The following LGR5 variants were observed in gnomAD, a reference collection of about 807,000 sequenced individuals.
LGR5 encodes the protein leucine-rich repeat-containing G protein-coupled receptor 5.
A neutral mutation model predicts 76.7 loss-of-function variants in LGR5; 54 were observed. The observed-to-expected ratio is 0.70, with a 90% CI of 0.57 to 0.88. LGR5 has a LOEUF of 0.88. LGR5 is among the 40% of genes least tolerant of loss of function. The probability of loss-of-function intolerance (pLI) is 0.00; values close to 1 mark genes in which losing one functional copy is unlikely to be tolerated. For synonymous variants in LGR5, 406 were observed against 421.9 expected (o/e 0.96, Z 0.46); for missense variants, 1,078 against 1,073.3 (o/e 1.00, Z -0.06).
chr12:71,563,011 G>A (rs1878135964), intron 8 of LGR5, among the ~76,000 whole-genome samples: 1 of 152,156 alleles, frequency 6.6e-6, no homozygotes. Flanking sequence ...GAGCGTATTT[G>A]CGTATTAAGA....
intron 1 of LGR5, among the ~76,000 whole-genome samples, chr12:71,461,885 C>T (rs1355571853): frequency 6.6e-6 from 1 of 152,124 alleles, no homozygotes; most frequent in Non-Finnish European, 1.5e-5. Context: ...ATCCCCTTGT[C>T]CCATCTGAAG....
chr12:71,486,022 C>G (rs1013434873), intron 1 of LGR5, among the ~76,000 whole-genome samples: 14 of 152,138 alleles, frequency 9.2e-5, no homozygotes, highest in African/African-American at 3.1e-4. Context: ...CTTTGGCCTC[C>G]CAAAGTGCTG....
At chr12:71,569,375 C>A (rs1214842918) in intron 11 of LGR5, among the ~76,000 whole-genome samples, 2 of 152,180 alleles carry the variant, frequency 1.3e-5, no homozygotes, top group African/African-American at 4.8e-5. Context: ...AACAGACAAC[C>A]TACAGAATAG....
intron 12 of LGR5, among the ~76,000 whole-genome samples, chr12:71,571,817 T>C (rs1878623812): frequency 6.6e-6 from 1 of 152,204 alleles, no homozygotes; most frequent in African/African-American, 2.4e-5. Flanking sequence ...CGCTTTTTTC[T>C]CCCCCTAACT....
intron 1 of LGR5, among the ~76,000 whole-genome samples, chr12:71,470,564 G>A (rs1873054681): frequency 6.6e-6 from 1 of 152,096 alleles, no homozygotes. Flanking sequence ...ATGTAGATGT[G>A]TGTATACACA....
intron 8 of LGR5, among the ~76,000 whole-genome samples, chr12:71,565,460 TATATAC>T (rs1255630480): frequency 6.5e-5 from 3 of 46,406 alleles, no homozygotes; most frequent in African/African-American, 1.6e-4. Context: ...TATATAGACA[TATATAC>T]ATATACATAT....
intron 1 of LGR5, chr12:71,442,047 T>TTGACTGTA (rs1304435722): frequency 7.2e-5 from 11 of 152,230 alleles, no homozygotes; most frequent in African/African-American, 2.7e-4. Context: ...CTGAAGAAGT[T>TTGACTGTA]TGACTGTATG....
At chr12:71,552,802 T>A (rs1326179075) in intron 4 of LGR5, among the ~76,000 whole-genome samples, 1 of 152,124 alleles carries the variant, frequency 6.6e-6, no homozygotes, top group Non-Finnish European at 1.5e-5. Context: ...GGGAGGCCAC[T>A]TCCATCCATG....
chr12:71,580,672 C>T (rs1334534313), intron 16 of LGR5, among the ~76,000 whole-genome samples: 1 of 152,072 alleles, frequency 6.6e-6, no homozygotes, highest in Non-Finnish European at 1.5e-5. Flanking sequence ...GTGGCACATG[C>T]CAGTAATCCC....
chr12:71,552,040 C>G (rs1490594191), intron 4 of LGR5, among the ~76,000 whole-genome samples: 5 of 151,180 alleles, frequency 3.3e-5, no homozygotes, highest in Non-Finnish European at 7.4e-5. Context: ...CCAGTGAGAA[C>G]ACGTGGACAC....
chr12:71,565,951 A>T (rs760866546), intron 8 of LGR5, among the ~76,000 whole-genome samples: 65 of 152,090 alleles, frequency 4.3e-4, no homozygotes, highest in Admixed American at 3.3e-4. Flanking sequence ...CAATAATCTG[A>T]TGAGTCTCTT....
chr12:71,444,518 G>A (rs1871901056), intron 1 of LGR5, among the ~76,000 whole-genome samples: 1 of 152,078 alleles, frequency 6.6e-6, no homozygotes, highest in East Asian at 1.9e-4. Flanking sequence ...CAGAGTTGGT[G>A]TGACAAGAAT....
At chr12:71,547,120 G>T (rs1358105670) in intron 4 of LGR5, among the ~76,000 whole-genome samples, 1 of 152,154 alleles carries the variant, frequency 6.6e-6, no homozygotes, top group Non-Finnish European at 1.5e-5. Context: ...CTCATCAGTT[G>T]TAGCCCTCTA....
chr12:71,467,522 T>C (rs1872915449), intron 1 of LGR5, among the ~76,000 whole-genome samples: 1 of 152,214 alleles, frequency 6.6e-6, no homozygotes, highest in Non-Finnish European at 1.5e-5. Flanking sequence ...ATTATCACTA[T>C]CTTTCTTGGG....
chr12:71,443,006 C>T (rs1025562974), intron 1 of LGR5, among the ~76,000 whole-genome samples: 1 of 152,292 alleles, frequency 6.6e-6, no homozygotes, highest in Non-Finnish European at 1.5e-5. Flanking sequence ...TGTACCAAGA[C>T]TGATGTGGTA....
chr12:71,502,767 A>T (rs1054520022), intron 1 of LGR5, among the ~76,000 whole-genome samples: 1 of 152,212 alleles, frequency 6.6e-6, no homozygotes, highest in African/African-American at 2.4e-5. Context: ...CCAGAGAGTG[A>T]ATGCTTGCAT....
chr12:71,467,274 T>C (rs1872904888), intron 1 of LGR5, among the ~76,000 whole-genome samples: 1 of 152,126 alleles, frequency 6.6e-6, no homozygotes, highest in Non-Finnish European at 1.5e-5. Context: ...CTAATTTGCT[T>C]CCAGAAGGCT....
At chr12:71,512,117 A>G (rs1669372549) in intron 2 of LGR5, among the ~76,000 whole-genome samples, 1 of 152,050 alleles carries the variant, frequency 6.6e-6, no homozygotes, top group African/African-American at 2.4e-5. Flanking sequence ...TCAGCCTCCC[A>G]GGTAGCTGGG....
chr12:71,529,353 A>C (rs975765570), intron 3 of LGR5, among the ~76,000 whole-genome samples: 8 of 152,098 alleles, frequency 5.3e-5, no homozygotes, highest in African/African-American at 1.9e-4. Flanking sequence ...CAGGAGAGAG[A>C]GAGCGAGGGG....
Sources: gnomAD v4.1 joint callset for allele counts (sites outside exome capture counted in the v4.1 genomes callset) on GRCh38, gnomAD v4.1.1 for gene constraint, MANE v1.5 for transcripts, NCBI Gene and HGNC (gene_info 2026-07-23, HGNC 2026-07-21) for gene names.